SLC16A7: variants seen among roughly 807,000 people sequenced by gnomAD.
SLC16A7 encodes solute carrier family 16 member 7.
In SLC16A7, 33 loss-of-function variants were observed where a neutral mutation model predicts 34.9. That is an observed-to-expected ratio of 0.94 (90% CI 0.72 to 1.26). The LOEUF (loss-of-function observed/expected upper bound fraction) is 1.26. Among genes scored for constraint, SLC16A7 ranks in the 50% most tolerant of loss-of-function variants. SLC16A7 has a pLI of 0.00. For missense variants in SLC16A7, 573 were observed against 578.1 expected (o/e 0.99, Z 0.09); for synonymous variants, 201 against 206.6 (o/e 0.97, Z 0.23).
In SLC16A7 at chr12:59,779,872, G is replaced by C; in HGVS notation, c.*193G>C. 2.0e-6 allele frequency: 1 copy of C among 510,886 alleles called. No homozygotes were observed. Among genetic ancestry groups the C allele is most frequent in the South Asian group, 2.5e-5 (1 of 40,012 alleles). The allele number at this position is 510,886 out of a possible 1,614,324, so 31.6% of individuals were successfully genotyped here. ...TTACTTATTTGGGTAGTTAAATTTT[G>C]AGATTATGCATAGAAAGAATCCATG... On this transcript the variant is annotated 3_prime_UTR_variant, in exon 6 of 6. Transcript: ENST00000547379.
intron 2 of SLC16A7, among the ~76,000 whole-genome samples, chr12:59,677,284 C>T (rs565141282): frequency 6.6e-6 from 1 of 152,042 alleles, no homozygotes; most frequent in East Asian, 1.9e-4. Context: ...AACACTTAAA[C>T]TGGAAAAATT....
At chr12:59,614,990 A>C (rs1879380044) in intron 1 of SLC16A7, among the ~76,000 whole-genome samples, 1 of 151,496 alleles carries the variant, frequency 6.6e-6, no homozygotes, top group African/African-American at 2.4e-5. Context: ...TCGACAGAGC[A>C]AGGATCCATC....
At chr12:59,641,726 C>T (rs567378623) in intron 1 of SLC16A7, among the ~76,000 whole-genome samples, 44 of 152,002 alleles carry the variant, frequency 2.9e-4, no homozygotes, top group African/African-American at 9.2e-4. Context: ...TTACATTTTC[C>T]GTTAGTGAAA....
intron 2 of SLC16A7, 103 bp from the exon 3 acceptor site, chr12:59,704,669 C>G (rs1322481147): frequency 1.6e-6 from 1 of 621,660 alleles, no homozygotes; most frequent in Non-Finnish European, 2.8e-6. Context: ...CATGAAAAAT[C>G]ATATTGTAGT....
chr12:59,725,125 A>G (rs1010768072), intron 3 of SLC16A7, among the ~76,000 whole-genome samples: 3 of 152,076 alleles, frequency 2.0e-5, no homozygotes, highest in South Asian at 2.1e-4. Context: ...TGCTATGTTC[A>G]TAACTAAAAG....
At chr12:59,641,269 A>G (rs1460761035) in intron 1 of SLC16A7, among the ~76,000 whole-genome samples, 1 of 152,076 alleles carries the variant, frequency 6.6e-6, no homozygotes, top group African/African-American at 2.4e-5. Context: ...AATTTAATTG[A>G]TACAAAGCAG....
intron 2 of SLC16A7, among the ~76,000 whole-genome samples, chr12:59,699,173 A>T (rs2137120965): frequency 6.6e-6 from 1 of 151,704 alleles, no homozygotes; most frequent in East Asian, 1.9e-4. Context: ...ATTGATTTTA[A>T]TCTTTAAGTG....
chr12:59,612,818 C>T (rs987701600), intron 1 of SLC16A7, among the ~76,000 whole-genome samples: 2 of 152,192 alleles, frequency 1.3e-5, no homozygotes, highest in African/African-American at 4.8e-5. Flanking sequence ...TTCCTCATCT[C>T]CATCTGAGAC....
chr12:59,753,480 A>C (rs1479290198), intron 3 of SLC16A7, among the ~76,000 whole-genome samples: 1 of 152,226 alleles, frequency 6.6e-6, no homozygotes, highest in Non-Finnish European at 1.5e-5. Context: ...AACAGACTTT[A>C]AACCAACAAA....
intron 2 of SLC16A7, among the ~76,000 whole-genome samples, chr12:59,665,346 T>G: frequency 6.6e-6 from 1 of 152,182 alleles, no homozygotes; most frequent in East Asian, 1.9e-4. Context: ...GTTTAATCAC[T>G]AAAATTATTT....
intron 3 of SLC16A7, among the ~76,000 whole-genome samples, chr12:59,754,239 C>A (rs1347994925): frequency 6.6e-6 from 1 of 151,830 alleles, no homozygotes; most frequent in Non-Finnish European, 1.5e-5. Context: ...TAGGAGAAGG[C>A]AAGAAATAAC....
Position 59,789,715 on chromosome 12 carries a change from T to C in SLC16A7, c.*10036T>C, listed in dbSNP as rs894303773. The C allele has an allele frequency of 1.3e-5, 2 of 152,168 alleles. No individual in the cohort carries two copies. The highest frequency in any genetic ancestry group is 6.6e-5 in the Admixed American group (1 of 15,264). The allele number at this position is 152,168 out of a possible 1,614,324, so 9.4% of individuals were successfully genotyped here. On this transcript the variant is annotated 3_prime_UTR_variant, in exon 6 of 6. Coordinates refer to ENST00000547379, the MANE Select transcript of SLC16A7 (RefSeq NM_001270623.2). ...TATTTTAGTTATTGTTTCTTACTTA[T>C]CACTAATTTTTACTGCAGGTCTGTG...
chr12:59,667,187 C>T (rs1305154658), intron 2 of SLC16A7, among the ~76,000 whole-genome samples: 2 of 152,130 alleles, frequency 1.3e-5, no homozygotes, highest in Non-Finnish European at 2.9e-5. Flanking sequence ...TCCCCTTAGT[C>T]CCTCCCACAA....
intron 1 of SLC16A7, among the ~76,000 whole-genome samples, chr12:59,631,944 G>A (rs774364511): frequency 1.3e-5 from 2 of 151,954 alleles, no homozygotes; most frequent in Non-Finnish European, 2.9e-5. Flanking sequence ...GGGAAGTGGG[G>A]TGGGAAGAAA....
At chr12:59,771,690 T>C (rs973754446) in intron 4 of SLC16A7, among the ~76,000 whole-genome samples, 3 of 152,180 alleles carry the variant, frequency 2.0e-5, no homozygotes, top group African/African-American at 7.2e-5. Flanking sequence ...CTTTCTGATG[T>C]AAATAAATAC....
At chr12:59,721,842 A>T (rs1420252179) in intron 3 of SLC16A7, among the ~76,000 whole-genome samples, 1 of 151,972 alleles carries the variant, frequency 6.6e-6, no homozygotes, top group African/African-American at 2.4e-5. Flanking sequence ...TCTTGATTTT[A>T]CTTATAAAAT....
intron 3 of SLC16A7, among the ~76,000 whole-genome samples, chr12:59,713,695 G>A (rs557192802): frequency 2.6e-5 from 4 of 152,284 alleles, no homozygotes; most frequent in South Asian, 2.1e-4. Flanking sequence ...CTAAGGGGAC[G>A]CCCTGGCAAT....
At chr12:59,622,862 C>T (rs1207093259) in intron 1 of SLC16A7, among the ~76,000 whole-genome samples, 9 of 151,608 alleles carry the variant, frequency 5.9e-5, no homozygotes, top group African/African-American at 1.7e-4. Flanking sequence ...TGCATCATGT[C>T]GCTATGGACT....
intron 1 of SLC16A7, among the ~76,000 whole-genome samples, chr12:59,609,589 CT>C (rs1296378351): frequency 3.3e-5 from 5 of 152,058 alleles, no homozygotes; most frequent in Non-Finnish European, 7.4e-5. Flanking sequence ...GTGGATCCTT[CT>C]GAATGTCAAA....
Sources: gnomAD v4.1 joint callset for allele counts (sites outside exome capture counted in the v4.1 genomes callset) on GRCh38, gnomAD v4.1.1 for gene constraint, MANE v1.5 for transcripts, NCBI Gene and HGNC (gene_info 2026-07-23, HGNC 2026-07-21) for gene names.